The following LEO1 variants were observed in gnomAD, a reference collection of about 807,000 sequenced individuals.
LEO1 encodes RNA polymerase-associated protein LEO1.
LEO1 carries 34 observed loss-of-function variants against 80.4 expected under a neutral mutation model. That is an observed-to-expected ratio of 0.42 (90% CI 0.32 to 0.56). The LOEUF is 0.56. LEO1 is among the 20% of genes least tolerant of loss of function. The pLI, the probability that LEO1 is intolerant of heterozygous loss-of-function variation, is 0.10. For synonymous variants in LEO1, 262 were observed against 274.9 expected, an observed-to-expected ratio of 0.95 and a Z score of 0.46; for missense variants, 631 against 814.2, an observed-to-expected ratio of 0.77 and a Z score of 2.74.
At chr15:51,945,190 G>C (rs1752771250) in intron 11 of LEO1, among the ~76,000 whole-genome samples, 1 of 147,850 alleles carries the variant, frequency 6.8e-6, no homozygotes, top group African/African-American at 2.5e-5. Flanking sequence ...GTTGAGGCAG[G>C]CACACTGCTT....
chr15:51,938,675 C>T (rs2056822022), intron 11 of LEO1, among the ~76,000 whole-genome samples: 1 of 152,016 alleles, frequency 6.6e-6, no homozygotes, highest in African/African-American at 2.4e-5. Flanking sequence ...CAATTTGTTT[C>T]AATGCATTAA....
rs1485075056 is a variant in LEO1, at chr15:51,938,232, G to C, written c.1925C>G (p.Ala642Gly). 3 of 1,606,676 alleles carry C rather than the reference G, an allele frequency of 1.9e-6. No homozygotes were observed. Among genetic ancestry groups the C allele is most frequent in the Non-Finnish European group, 1.7e-6 (2 of 1,175,690 alleles). Residue 642 changes from alanine to glycine, a missense_variant, in exon 12 of 12, where the codon GCA becomes GGA. Coordinates refer to ENST00000299601, the MANE Select transcript of LEO1 (RefSeq NM_138792.4). ...EEGEPSGKRKAEDDDKANKKH... is the reference protein window; with the variant it reads ...EEGEPSGKRKGEDDDKANKKH... ...TTTATTTGCTTTATCATCATCTTCT[G>C]CTTTTCTCTTTCCGGAAGGTTCACC...
rs371967157 is a variant in LEO1 at position 51,953,637 on chromosome 15, A to G, written c.1341-374T>C. Among the ~76,000 whole-genome samples, 11 of 152,088 alleles carry G rather than the reference A, an allele frequency of 7.2e-5. No homozygotes were observed. The East Asian group carries it at 1.4e-3, about 19-fold the overall frequency. On this transcript the variant is annotated intron_variant, in intron 7 of 11. Transcript: ENST00000299601. ...TCCATCTCAAGGAAAAAAAAAAACA[A>G]AACAAAACAGGTGATTCAACTGCTG...
chr15:51,960,597 T>C lies in LEO1; in HGVS notation c.1014+42A>G, dbSNP rs1374501084. The C allele has an allele frequency of 1.4e-5, 16 of 1,109,606 alleles. 1 individual carries two copies. Among genetic ancestry groups the C allele is most frequent in the Admixed American group, 3.4e-5 (2 of 58,132 alleles). 68.7% of individuals were successfully genotyped at this position (1,109,606 alleles called of 1,614,324 possible). On this transcript the variant is annotated intron_variant, in intron 4 of 11. Transcript: ENST00000299601. Reference sequence around the variant, plus strand: ...GGGAGACTCTTCACCTTTGAAACTTTATGCCTGGCCTTGAATAAGTTCATG... The same window carrying C: ...GGGAGACTCTTCACCTTTGAAACTTCATGCCTGGCCTTGAATAAGTTCATG...
intron 11 of LEO1, among the ~76,000 whole-genome samples, chr15:51,944,732 A>G (rs1265196536): frequency 6.7e-6 from 1 of 149,542 alleles, no homozygotes; most frequent in Non-Finnish European, 1.5e-5. Context: ...TAGTAATGAT[A>G]TCTTCATAAT....
chr15:51,948,050 A>C (rs983170188), intron 10 of LEO1, among the ~76,000 whole-genome samples: 2 of 152,196 alleles, frequency 1.3e-5, no homozygotes, highest in Admixed American at 1.3e-4. Flanking sequence ...GTTTGAAGGT[A>C]AAGCAAGAAA....
At chr15:51,945,418 C>T (rs2056892070) in intron 11 of LEO1, among the ~76,000 whole-genome samples, 1 of 152,114 alleles carries the variant, frequency 6.6e-6, no homozygotes, top group Admixed American at 6.5e-5. Flanking sequence ...AGGGCCTATG[C>T]ACTTCCTAAT....
Position 51,966,383 on chromosome 15 carries a change from T to C in LEO1, c.180A>G (p.Glu60=). ...CGTCCTCACTGTCATCTCCAAACAG[T>C]TCCTTATTACTTGGTTGTCCTGAAT... ...RGDSGQPSNK[E]LFGDDSEDEG... is the part of the protein sequence containing the mutation. Residue 60 remains glutamate, a synonymous_variant, in exon 2 of 12, where the codon GAA becomes GAG. Transcript: ENST00000299601. 5.0e-6 allele frequency: 8 copies of C among 1,614,166 alleles called. No individual in the cohort carries two copies. Among genetic ancestry groups the C allele is most frequent in the Non-Finnish European group, 6.8e-6 (8 of 1,179,988 alleles).
At chr15:51,963,598 C>A (rs573982334) in intron 2 of LEO1, among the ~76,000 whole-genome samples, 3 of 151,870 alleles carry the variant, frequency 2.0e-5, no homozygotes, top group African/African-American at 7.3e-5. Flanking sequence ...TTTCTGGTAA[C>A]AGTAAAAACA....
At chr15:51,942,878 C>G (rs1015668862) in intron 11 of LEO1, among the ~76,000 whole-genome samples, 1 of 145,438 alleles carries the variant, frequency 6.9e-6, no homozygotes, top group African/African-American at 2.6e-5. Flanking sequence ...GCCAAGATGG[C>G]ACCACTGCAA....
intron 1 of LEO1, among the ~76,000 whole-genome samples, chr15:51,967,900 T>C (rs988564439): frequency 2.0e-5 from 3 of 152,214 alleles, no homozygotes; most frequent in African/African-American, 7.2e-5. Context: ...ATTAAGAAAG[T>C]AGGCCCGGCG....
intron 1 of LEO1, among the ~76,000 whole-genome samples, chr15:51,968,119 G>GT (rs1489625435): frequency 6.6e-6 from 1 of 152,184 alleles, no homozygotes; most frequent in African/African-American, 2.4e-5. Context: ...GGAGATGGAG[G>GT]TTGCAGTGAG....
chr15:51,970,551 C>A (rs2057114832), intron 1 of LEO1, among the ~76,000 whole-genome samples: 1 of 152,216 alleles, frequency 6.6e-6, no homozygotes, highest in South Asian at 2.1e-4. Flanking sequence ...ATATGTGCTA[C>A]AATGCCTTGA....
At chr15:51,958,712 G>GA (rs775640448) in intron 6 of LEO1, 30 bp downstream of exon 6, 85 of 1,399,714 alleles carry the variant, frequency 6.1e-5, no homozygotes, top group Middle Eastern at 5.7e-4. Flanking sequence ...CTTTATAAAA[G>GA]AAAAAAAAGG....
intron 1 of LEO1, among the ~76,000 whole-genome samples, chr15:51,967,337 G>A (rs1243793436): frequency 6.6e-6 from 1 of 152,210 alleles, no homozygotes; most frequent in South Asian, 2.1e-4. Context: ...GCCAGGTATG[G>A]TGGCGCAAGC....
chr15:51,941,540 T>G (rs1474786657), intron 11 of LEO1, among the ~76,000 whole-genome samples: 1 of 152,168 alleles, frequency 6.6e-6, no homozygotes, highest in Non-Finnish European at 1.5e-5. Flanking sequence ...CCTTGATACC[T>G]CTCCTTTCCA....
intron 8 of LEO1, among the ~76,000 whole-genome samples, chr15:51,952,770 C>T (rs1218882910): frequency 2.0e-5 from 3 of 152,198 alleles, no homozygotes; most frequent in Non-Finnish European, 4.4e-5. Flanking sequence ...CAACAACAAC[C>T]TCTAGTTATT....
At chr15:51,941,981 GC>G (rs1425851049) in intron 11 of LEO1, among the ~76,000 whole-genome samples, 1 of 152,200 alleles carries the variant, frequency 6.6e-6, no homozygotes, top group African/African-American at 2.4e-5. Flanking sequence ...ACTGGCCCTT[GC>G]CCCCATTTCA....
Position 51,965,817 on chromosome 15 carries a change from T to C in LEO1, c.746A>G (p.Glu249Gly). The C allele has an allele frequency of 6.2e-7, 1 of 1,614,118 alleles. No individual in the cohort carries two copies. The highest frequency in any genetic ancestry group is 1.7e-5 in the Admixed American group (1 of 60,000). ...TTCTTCATCTGAGGCCTGTGGCCTT[T>C]CATCATCAGAATTTTGCATTTTCTC... ...DEEKMQNSDD[E>G]RPQASDEEHR... Residue 249 changes from glutamate (E) to glycine (G), a missense_variant, in exon 2 of 12, where the codon GAA becomes GGA. By Grantham distance (98) the Glu-to-Gly change is moderately conservative. Coordinates refer to ENST00000299601, the MANE Select transcript of LEO1 (RefSeq NM_138792.4).
Sources: allele counts gnomAD v4.1 joint callset (sites outside exome capture counted in the v4.1 genomes callset), GRCh38; gene constraint gnomAD v4.1.1; transcripts MANE v1.5; gene names NCBI Gene and HGNC (gene_info 2026-07-23, HGNC 2026-07-21).